The following CCDC57 variants were observed in gnomAD, a reference collection of about 807,000 sequenced individuals.
CCDC57 encodes coiled-coil domain containing 57.
CCDC57 carries 118 observed loss-of-function variants against 118.9 expected under a neutral mutation model. The observed-to-expected ratio is 0.99, with a 90% CI of 0.86 to 1.16. The LOEUF (loss-of-function observed/expected upper bound fraction) is 1.16. Among genes scored for constraint, CCDC57 ranks in the 50% most tolerant of loss-of-function variants. The probability of loss-of-function intolerance (pLI) is 0.00; values close to 1 mark genes in which losing one functional copy is unlikely to be tolerated. For synonymous variants in CCDC57, 527 were observed against 532.9 expected (o/e 0.99, Z 0.15); for missense variants, 1,300 against 1,320.7 (o/e 0.98, Z 0.24).
rs2047217802 is a variant in CCDC57 at position 82,188,217 on chromosome 17, A to G, written c.1052+2T>C. Reference sequence around the variant, plus strand: ...TCTGGGTGGAGCCAAGCACACGCTCACTGGTCAATGGCAGCGTCCTTCTCC... The same window carrying G: ...TCTGGGTGGAGCCAAGCACACGCTCGCTGGTCAATGGCAGCGTCCTTCTCC... On this transcript the variant is annotated splice_donor_variant, in intron 8 of 19. Transcript: ENST00000665763. LOFTEE classifies it high-confidence loss of function. 1 of 1,545,610 alleles carries G rather than the reference A, an allele frequency of 6.5e-7. No homozygotes were observed. The highest frequency in any genetic ancestry group is 1.4e-5 in the African/African-American group (1 of 73,178).
chr17:82,183,477 G>A (rs1259718828), intron 9 of CCDC57, among the ~76,000 whole-genome samples: 5 of 152,030 alleles, frequency 3.3e-5, no homozygotes, highest in African/African-American at 4.8e-5. Flanking sequence ...GAGCCACCAC[G>A]CTTGGCAAGA....
chr17:82,173,038 T>C (rs535997461), intron 11 of CCDC57, among the ~76,000 whole-genome samples, 178 bp from the exon 11 acceptor site: 20 of 152,120 alleles, frequency 1.3e-4, no homozygotes, highest in African/African-American at 4.8e-4. Flanking sequence ...GAAGTGCAAA[T>C]ATGACACTCA....
chr17:82,151,249 T>C (rs1461409129), intron 16 of CCDC57, among the ~76,000 whole-genome samples: 1 of 118,528 alleles, frequency 8.4e-6, no homozygotes, highest in African/African-American at 3.3e-5. Context: ...ACCCAGAACC[T>C]GGCACACACC....
At chr17:82,167,798 T>G (rs2044190919) in intron 13 of CCDC57, among the ~76,000 whole-genome samples, 1 of 152,174 alleles carries the variant, frequency 6.6e-6, no homozygotes, top group South Asian at 2.1e-4. Context: ...GTATTTTTAG[T>G]AGATACGGGG....
intron 3 of CCDC57, among the ~76,000 whole-genome samples, chr17:82,199,427 G>A (rs935540607): frequency 1.5e-5 from 2 of 137,182 alleles, no homozygotes; most frequent in Non-Finnish European, 3.0e-5. Flanking sequence ...GCAGTGATCC[G>A]AGATCGCGCC....
At chr17:82,201,446 G>GTGGGCAGTGCT (rs1415988843) in intron 3 of CCDC57, 92 bp downstream of exon 2, 19 of 1,396,318 alleles carry the variant, frequency 1.4e-5, no homozygotes, top group Non-Finnish European at 1.7e-5. Context: ...GGCAGTGAGA[G>GTGGGCAGTGCT]TGGGCAGTGC....
At chr17:82,102,893 A>G (rs530066904) in intron 19 of CCDC57, among the ~76,000 whole-genome samples, 1 of 151,702 alleles carries the variant, frequency 6.6e-6, no homozygotes, top group African/African-American at 2.4e-5. Flanking sequence ...CTCAAAAAAA[A>G]AAAAAACAAA....
chr17:82,152,173 C>T (rs1172317499), intron 15 of CCDC57: 2 of 229,520 alleles, frequency 8.7e-6, no homozygotes, highest in Non-Finnish European at 1.7e-5. Flanking sequence ...CTGTGGCCTC[C>T]AGCAGTGCCC....
intron 19 of CCDC57, among the ~76,000 whole-genome samples, chr17:82,115,036 C>T (rs1349167772): frequency 6.6e-6 from 1 of 152,224 alleles, no homozygotes; most frequent in Non-Finnish European, 1.5e-5. Flanking sequence ...CTGGCAGTCA[C>T]CCTGTGCATG....
At chr17:82,138,705 G>A (rs1255565986) in intron 16 of CCDC57, among the ~76,000 whole-genome samples, 12 of 151,790 alleles carry the variant, frequency 7.9e-5, no homozygotes, top group African/African-American at 1.5e-4. Context: ...GAAGAGACGC[G>A]TGGCCTGCCC....
chr17:82,211,218 A>G (rs2050163054), intron 1 of CCDC57, among the ~76,000 whole-genome samples: 1 of 152,128 alleles, frequency 6.6e-6, no homozygotes, highest in African/African-American at 2.4e-5. Context: ...GAAGGGCACA[A>G]TTTCCCTGTT....
In CCDC57 at chr17:82,165,211, G is replaced by C. The variant is rs561677825; in HGVS notation, c.1883-1854C>G. Reference sequence around the variant, plus strand: ...AACCAAATCTGTCAAACTATAAAAAGAAGAATCTATCACTACATGTTGAAT... The same window carrying C: ...AACCAAATCTGTCAAACTATAAAAACAAGAATCTATCACTACATGTTGAAT... On this transcript the variant is annotated intron_variant, in intron 13 of 19. Transcript: ENST00000665763. 1.1e-3 allele frequency among the ~76,000 whole-genome samples: 169 copies of C among 152,138 alleles called. 1 individual carries two copies. Among genetic ancestry groups the C allele is most frequent in the South Asian group, 1.0e-3 (5 of 4,834 alleles).
At chr17:82,179,106 C>T (rs775446305) in exon 10 of CCDC57, 24 of 1,613,824 alleles carry the variant, frequency 1.5e-5, no homozygotes, top group East Asian at 2.2e-5. Context: ...ATCACAGCGG[C>T]GCTGCCAGTC....
intron 19 of CCDC57, among the ~76,000 whole-genome samples, chr17:82,106,792 A>G (rs1275708905): frequency 1.3e-5 from 2 of 152,228 alleles, no homozygotes; most frequent in African/African-American, 4.8e-5. Flanking sequence ...GTCTGGGGAC[A>G]GCAAAAAGCA....
At chr17:82,121,749 G>T (rs967069344) in intron 19 of CCDC57, among the ~76,000 whole-genome samples, 4 of 152,160 alleles carry the variant, frequency 2.6e-5, no homozygotes, top group African/African-American at 9.7e-5. Context: ...CGTGCATGCC[G>T]CCTGCTGAGA....
At chr17:82,202,105 CG>C (rs1473576132) in intron 2 of CCDC57, among the ~76,000 whole-genome samples, 153 bp from the exon 2 acceptor site, 2 of 151,424 alleles carry the variant, frequency 1.3e-5, no homozygotes, top group Non-Finnish European at 3.0e-5. Flanking sequence ...CCGAGGCAGG[CG>C]GATCACCTGA....
At chr17:82,185,679 C>A (rs2046839420) in intron 8 of CCDC57, among the ~76,000 whole-genome samples, 1 of 151,428 alleles carries the variant, frequency 6.6e-6, no homozygotes, top group Non-Finnish European at 1.5e-5. Context: ...CTCTGTAGTT[C>A]CAAACTCCAA....
At chr17:82,132,118 CA>C (rs58856013) in intron 17 of CCDC57, among the ~76,000 whole-genome samples, 2,020 of 101,834 alleles carry the variant, frequency 0.02, 20 homozygotes, top group African/African-American at 0.068. Flanking sequence ...GACTCTGTCT[CA>C]AAAAAAAAAA....
At chr17:82,104,386 G>A (rs1021967515) in intron 19 of CCDC57, among the ~76,000 whole-genome samples, 1 of 152,182 alleles carries the variant, frequency 6.6e-6, no homozygotes, top group Non-Finnish European at 1.5e-5. Context: ...AACATCCAAG[G>A]CCTTGCAGTG....
Sources: gnomAD v4.1 joint callset for allele counts (sites outside exome capture counted in the v4.1 genomes callset) on GRCh38, gnomAD v4.1.1 for gene constraint, MANE v1.5 for transcripts, NCBI Gene and HGNC (gene_info 2026-07-23, HGNC 2026-07-21) for gene names.